Variants in PLCB1 observed in about 807,000 individuals in gnomAD.
PLCB1 encodes 1-phosphatidylinositol 4,5-bisphosphate phosphodiesterase beta-1.
Under a neutral mutation model 161.8 loss-of-function variants are expected in PLCB1, and 46 were observed. The ratio of observed to expected loss-of-function variants is 0.28; its 90% CI spans 0.22 to 0.36. The LOEUF (loss-of-function observed/expected upper bound fraction) is 0.36, where lower values mean the gene tolerates loss of function less well. Ranked by LOEUF, PLCB1 falls within the 10% of genes least tolerant of loss-of-function variation. The probability of loss-of-function intolerance (pLI) is 1.00; values close to 1 mark genes in which losing one functional copy is unlikely to be tolerated. For synonymous variants in PLCB1, 517 were observed against 503.7 expected, an observed-to-expected ratio of 1.03 and a Z score of -0.35; for missense variants, 1,016 against 1,472.5, an observed-to-expected ratio of 0.69 and a Z score of 5.07.
At chr20:8,222,861 GT>G (rs1176333476) in intron 2 of PLCB1, among the ~76,000 whole-genome samples, 2 of 151,298 alleles carry the variant, frequency 1.3e-5, no homozygotes, top group African/African-American at 4.9e-5. Context: ...TTATTACACA[GT>G]TTTTTTTTAC....
chr20:8,789,581 TG>T lies in PLCB1; in HGVS notation c.3336+9del. The T allele has an allele frequency of 1.9e-6, 3 of 1,599,820 alleles. No individual in the cohort carries two copies. The East Asian group carries it at 6.7e-5, about 36-fold the overall frequency. ...TGGTGCAGTATATCAAGAGGGTATG[TG>T]GGCTCATCACGCTCTCTCCTTTGCA... On this transcript the variant is annotated splice_region_variant and intron_variant, in intron 30 of 31. Transcript: ENST00000338037.
chr20:8,509,795 G>A (rs1436314372), intron 3 of PLCB1, among the ~76,000 whole-genome samples: 1 of 151,914 alleles, frequency 6.6e-6, no homozygotes, highest in Non-Finnish European at 1.5e-5. Flanking sequence ...GCATGAAGAT[G>A]GTTGAGGTGA....
chr20:8,404,604 G>A (rs916537288), intron 3 of PLCB1, among the ~76,000 whole-genome samples: 2 of 152,152 alleles, frequency 1.3e-5, no homozygotes, highest in Admixed American at 6.5e-5. Context: ...TGAAGTATGG[G>A]ATTGAATGAT....
At chr20:8,410,632 T>A (rs1259466479) in intron 3 of PLCB1, among the ~76,000 whole-genome samples, 2 of 152,204 alleles carry the variant, frequency 1.3e-5, no homozygotes, top group African/African-American at 2.4e-5. Context: ...TGCTTTTTTT[T>A]ATTTTTAAGT....
chr20:8,295,026 G>A (rs533229683), intron 2 of PLCB1, among the ~76,000 whole-genome samples: 7 of 152,048 alleles, frequency 4.6e-5, no homozygotes, highest in Admixed American at 2.0e-4. Flanking sequence ...AAAAGACTAC[G>A]TGCAGTATGA....
chr20:8,857,233 A>G (rs1026356330), intron 31 of PLCB1, among the ~76,000 whole-genome samples: 6 of 152,202 alleles, frequency 3.9e-5, no homozygotes, highest in African/African-American at 1.4e-4. Context: ...CACTTTTGTC[A>G]TATCCTATTG....
At chr20:8,385,817 C>G (rs2122407817) in intron 3 of PLCB1, among the ~76,000 whole-genome samples, 1 of 152,356 alleles carries the variant, frequency 6.6e-6, no homozygotes, top group East Asian at 1.9e-4. Context: ...GCTCTTCCTT[C>G]CTCTCCATGG....
At chr20:8,541,048 G>A (rs1568500078) in intron 3 of PLCB1, among the ~76,000 whole-genome samples, 2 of 152,184 alleles carry the variant, frequency 1.3e-5, no homozygotes, top group East Asian at 3.9e-4. Context: ...CGTTGAGAAG[G>A]GACAGACACC....
intron 3 of PLCB1, among the ~76,000 whole-genome samples, chr20:8,575,598 T>C (rs1384389310): frequency 1.3e-5 from 2 of 152,224 alleles, no homozygotes; most frequent in African/African-American, 2.4e-5. Flanking sequence ...AGGGTTTTGG[T>C]GGACAGGTTT....
At chr20:8,471,911 A>T (rs767187850) in intron 3 of PLCB1, among the ~76,000 whole-genome samples, 1 of 152,172 alleles carries the variant, frequency 6.6e-6, no homozygotes, top group Admixed American at 6.6e-5. Context: ...TCATAAATTT[A>T]GGGAGAATGC....
At chr20:8,383,294 C>CT (rs1987320927) in intron 3 of PLCB1, among the ~76,000 whole-genome samples, 2 of 152,184 alleles carry the variant, frequency 1.3e-5, no homozygotes, top group East Asian at 1.9e-4. Context: ...ATGTAATGCC[C>CT]TTTTTTTGTC....
At chr20:8,718,860 T>G (rs186185576) in intron 14 of PLCB1, among the ~76,000 whole-genome samples, 1 of 152,340 alleles carries the variant, frequency 6.6e-6, no homozygotes, top group Admixed American at 6.5e-5. Context: ...TGCATTGTCA[T>G]TGATGATATG....
chr20:8,271,319 A>G (rs1366476023), intron 2 of PLCB1, among the ~76,000 whole-genome samples: 1 of 152,110 alleles, frequency 6.6e-6, no homozygotes, highest in African/African-American at 2.4e-5. Context: ...ATAGTAGGTT[A>G]TATGATTGAA....
chr20:8,277,487 CTAATA>C lies in PLCB1; in HGVS notation c.178-93892_178-93888del, dbSNP rs568871647. On this transcript the variant is annotated intron_variant, in intron 2 of 31. Transcript: ENST00000338037. ...TATTTCTATATATATAAATGCTACTCTAATATATTTCTTAGATATATAAATGCTAC... is the reference window on the plus strand; with the variant it reads ...TATTTCTATATATATAAATGCTACTCTATTTCTTAGATATATAAATGCTAC... Among the ~76,000 whole-genome samples the C allele has an allele frequency of 5.6e-3, 850 of 152,106 alleles. 6 individuals are homozygous for C. Among genetic ancestry groups the C allele is most frequent in the African/African-American group, 0.02 (818 of 41,502 alleles).
chr20:8,204,953 T>C (rs751650694), intron 2 of PLCB1, among the ~76,000 whole-genome samples: 9 of 152,178 alleles, frequency 5.9e-5, no homozygotes, highest in Non-Finnish European at 1.0e-4. Flanking sequence ...CTTTCTGACA[T>C]TGAATTCAGT....
At chr20:8,255,924 T>A (rs1002012151) in intron 2 of PLCB1, among the ~76,000 whole-genome samples, 4 of 152,108 alleles carry the variant, frequency 2.6e-5, no homozygotes, top group Non-Finnish European at 5.9e-5. Context: ...TTCCTGTACC[T>A]TTTATATGTT....
At chr20:8,497,066 A>G (rs1249108052) in intron 3 of PLCB1, among the ~76,000 whole-genome samples, 1 of 152,184 alleles carries the variant, frequency 6.6e-6, no homozygotes, top group Middle Eastern at 3.2e-3. Context: ...GATTAGAGTG[A>G]ATGTCAGTGA....
intron 3 of PLCB1, among the ~76,000 whole-genome samples, chr20:8,581,698 C>T (rs1420210822): frequency 6.6e-5 from 10 of 152,006 alleles, no homozygotes; most frequent in African/African-American, 1.7e-4. Flanking sequence ...AATGCCAATA[C>T]CAAGAGAGTT....
At position 8,884,686 on chromosome 20, in the gene PLCB1, T is replaced by C. The variant is rs1263285499; in HGVS notation, c.*2837T>C. ...TTTGTGATGGATTGGACGTTGTGAC[T>C]CTTGCCTTTTAAGAAGAAAAAAAAG... On this transcript the variant is annotated 3_prime_UTR_variant, in exon 32 of 32. Coordinates refer to ENST00000338037, the MANE Select transcript of PLCB1 (RefSeq NM_015192.4). 2 of 152,618 alleles carry C rather than the reference T, an allele frequency of 1.3e-5. No individual in the cohort carries two copies. The highest frequency in any genetic ancestry group is 4.8e-5 in the African/African-American group (2 of 41,452). 9.5% of individuals were successfully genotyped at this position (152,618 alleles called of 1,614,324 possible). A position where few individuals can be genotyped will look rare whatever the true frequency, so the allele number is the denominator to read the frequency against.
Sources: gnomAD v4.1 joint callset for allele counts (sites outside exome capture counted in the v4.1 genomes callset) on GRCh38, gnomAD v4.1.1 for gene constraint, MANE v1.5 for transcripts, NCBI Gene and HGNC (gene_info 2026-07-23, HGNC 2026-07-21) for gene names.